The following COL24A1 variants were observed in gnomAD, a reference collection of about 807,000 sequenced individuals.
COL24A1 encodes the protein collagen type XXIV alpha 1 chain, also known as collagen alpha-1(XXIV) chain.
A neutral mutation model predicts 253.9 loss-of-function variants in COL24A1; 224 were observed. The ratio of observed to expected loss-of-function variants is 0.88; its 90% CI spans 0.79 to 0.99. The LOEUF is 0.99. Ranked by LOEUF, COL24A1 falls within the 50% of genes least tolerant of loss-of-function variation. The pLI is 0.00. For missense variants in COL24A1, 2,131 were observed against 2,068.5 expected (o/e 1.03, Z -0.59); for synonymous variants, 685 against 673.7 (o/e 1.02, Z -0.26).
At chr1:86,037,042 G>T (rs1699087008) in intron 12 of COL24A1, among the ~76,000 whole-genome samples, 1 of 152,096 alleles carries the variant, frequency 6.6e-6, no homozygotes, top group South Asian at 2.1e-4. Context: ...GAGTCACATT[G>T]TTGCTTCTGT....
chr1:85,772,224 C>T (rs975925885), intron 53 of COL24A1, among the ~76,000 whole-genome samples: 4 of 151,892 alleles, frequency 2.6e-5, no homozygotes, highest in Non-Finnish European at 4.4e-5. Flanking sequence ...CATCACTGGC[C>T]ATCAGAGAAA....
At chr1:85,837,713 G>T (rs1452534679) in intron 43 of COL24A1, among the ~76,000 whole-genome samples, 4 of 152,108 alleles carry the variant, frequency 2.6e-5, no homozygotes, top group Admixed American at 6.5e-5. Flanking sequence ...CAAGACTACA[G>T]GAGAGAGCAA....
chr1:86,058,192 T>G (rs116163178), intron 9 of COL24A1, among the ~76,000 whole-genome samples: 3,180 of 152,142 alleles, frequency 0.021, 38 homozygotes, highest in Middle Eastern at 0.062. Context: ...ATTTTAGATA[T>G]ATAAATAAAG....
chr1:85,760,914 G>A (rs1344157556), intron 55 of COL24A1, among the ~76,000 whole-genome samples: 1 of 152,172 alleles, frequency 6.6e-6, no homozygotes, highest in East Asian at 1.9e-4. Flanking sequence ...AGGGTAGCAA[G>A]TTTTGGGTCA....
intron 52 of COL24A1, among the ~76,000 whole-genome samples, chr1:85,778,191 C>G (rs938178453): frequency 6.6e-6 from 1 of 151,986 alleles, no homozygotes; most frequent in Non-Finnish European, 1.5e-5. Flanking sequence ...ATAGCCTCAA[C>G]TTCCTCAGAT....
chr1:86,136,587 C>T (rs543737877), intron 2 of COL24A1, among the ~76,000 whole-genome samples: 2 of 152,010 alleles, frequency 1.3e-5, no homozygotes, highest in Non-Finnish European at 2.9e-5. Flanking sequence ...ATCTCTGAAG[C>T]ACAGAGAGAT....
Position 86,125,985 on chromosome 1 carries a change from C to T in COL24A1, c.351G>A (p.Val117=), listed in dbSNP as rs1316806725. 1.9e-6 allele frequency: 3 copies of T among 1,613,396 alleles called. No individual in the cohort carries two copies. Among genetic ancestry groups the T allele is most frequent in the Non-Finnish European group, 2.5e-6 (3 of 1,179,782 alleles). Residue 117 remains valine, a synonymous_variant, in exon 3 of 60, where the codon GTG becomes GTA. Coordinates refer to ENST00000370571, the MANE Select transcript of COL24A1 (RefSeq NM_152890.7). ...TILTGLQSHR[V]NNAFLFSIRN... ...TAATGCTGAAGAGAAATGCATTGTT[C>T]ACCCGATGTGACTGTAACCCAGTTA...
rs186916265 is a variant in COL24A1, at chr1:86,054,959, C to T, written c.1851+2972G>A. ...ATATAGACCATGGAATACTACAGTGCCATAAAAATGAACAAAATCCTATCC... is the reference window on the plus strand; with the variant it reads ...ATATAGACCATGGAATACTACAGTGTCATAAAAATGAACAAAATCCTATCC... On this transcript the variant is annotated intron_variant, in intron 10 of 59. Transcript: ENST00000370571. Among the ~76,000 whole-genome samples, 21 of 152,174 alleles carry T rather than the reference C, an allele frequency of 1.4e-4. No homozygotes were observed. In the East Asian group the frequency reaches 3.3e-3, roughly 24 times the overall value.
chr1:85,832,988 C>T (rs1490404318), intron 43 of COL24A1, among the ~76,000 whole-genome samples: 1 of 151,784 alleles, frequency 6.6e-6, no homozygotes, highest in African/African-American at 2.4e-5. Context: ...TGAGAGAGGG[C>T]ATCCCTGTCT....
chr1:85,805,857 C>T (rs61783154), intron 47 of COL24A1, among the ~76,000 whole-genome samples: 3,192 of 152,110 alleles, frequency 0.021, 46 homozygotes, highest in Middle Eastern at 0.037. Context: ...GGGCGGATCA[C>T]GAGGTCAGGA....
intron 47 of COL24A1, among the ~76,000 whole-genome samples, chr1:85,793,836 GA>G (rs1468655476): frequency 6.6e-6 from 1 of 152,044 alleles, no homozygotes; most frequent in Non-Finnish European, 1.5e-5. Context: ...TTATACCAAT[GA>G]CCAGGTCTCT....
intron 24 of COL24A1, among the ~76,000 whole-genome samples, chr1:85,914,034 G>A (rs1685623031): frequency 6.6e-6 from 1 of 151,702 alleles, no homozygotes; most frequent in South Asian, 2.1e-4. Context: ...GAGCCCTCAT[G>A]ACCTAATCAT....
At position 85,730,678 on chromosome 1, in the gene COL24A1, G is replaced by C. The variant is rs1187379548; in HGVS notation, c.5013C>G (p.Ser1671Arg). The C allele has an allele frequency of 6.2e-7, 1 of 1,613,850 alleles. No individual in the cohort carries two copies. The change falls in exon 60 of 60, where the codon AGC (serine) becomes AGG (arginine). Residue 1671 changes from serine (S) to arginine (R), a missense_variant. Ser to Arg is a moderately radical substitution (Grantham distance 110). Transcript: ENST00000370571. ...GAAAAAGAAATGTTGCCTTATGCCA[G>C]CTGCCATCTTGAATCTGTAAAATAA... ...LSDDCKIQDG[S>R]WHKATFLFHT...
At chr1:86,134,040 C>CT (rs1159224731) in intron 2 of COL24A1, among the ~76,000 whole-genome samples, 6 of 152,056 alleles carry the variant, frequency 3.9e-5, no homozygotes. Flanking sequence ...TGTTATTGGT[C>CT]TATGAAGAGA....
chr1:86,140,315 C>A (rs538449743), intron 2 of COL24A1, among the ~76,000 whole-genome samples: 1 of 152,182 alleles, frequency 6.6e-6, no homozygotes, highest in Admixed American at 6.5e-5. Flanking sequence ...TGCTTAAATA[C>A]CACTGTCACA....
At chr1:85,833,864 G>C (rs1675665121) in intron 43 of COL24A1, among the ~76,000 whole-genome samples, 2 of 149,916 alleles carry the variant, frequency 1.3e-5, no homozygotes, top group Admixed American at 1.4e-4. Flanking sequence ...ACTATGGCAA[G>C]GACAAAAAAC....
chr1:86,053,896 T>G (rs1246898219), intron 10 of COL24A1, among the ~76,000 whole-genome samples: 1 of 152,116 alleles, frequency 6.6e-6, no homozygotes, highest in Admixed American at 6.6e-5. Context: ...ACAAATTAAG[T>G]GAAAAACATG....
chr1:86,146,446 A>T (rs1172635692), intron 1 of COL24A1, among the ~76,000 whole-genome samples: 1 of 152,006 alleles, frequency 6.6e-6, no homozygotes, highest in Non-Finnish European at 1.5e-5. Flanking sequence ...TTTTCTGAAG[A>T]TTAACTTAAA....
At chr1:86,123,717 G>A (rs913195629) in intron 3 of COL24A1, among the ~76,000 whole-genome samples, 6 of 151,940 alleles carry the variant, frequency 3.9e-5, no homozygotes, top group Non-Finnish European at 8.8e-5. Context: ...TGACCAATAT[G>A]TTGATAATTA....
Sources: allele counts gnomAD v4.1 joint callset (sites outside exome capture counted in the v4.1 genomes callset), GRCh38; gene constraint gnomAD v4.1.1; transcripts MANE v1.5; gene names NCBI Gene and HGNC (gene_info 2026-07-23, HGNC 2026-07-21).